Variants in GOLGA2 observed in about 807,000 individuals in gnomAD.
GOLGA2 encodes the protein golgin A2.
Under a neutral mutation model 148.8 loss-of-function variants are expected in GOLGA2, and 49 were observed. The observed-to-expected ratio is 0.33, with a 90% CI of 0.26 to 0.42. GOLGA2 has a LOEUF of 0.42. GOLGA2 is among the 10% of genes least tolerant of loss of function. GOLGA2 has a pLI of 1.00. For synonymous variants in GOLGA2, 501 were observed against 511.8 expected (o/e 0.98, Z 0.28); for missense variants, 1,178 against 1,304.6 (o/e 0.90, Z 1.49).
chr9:128,275,038 T>C lies in GOLGA2; in HGVS notation c.84+855A>G, dbSNP rs1234332716. 2.0e-5 allele frequency among the ~76,000 whole-genome samples: 3 copies of C among 152,140 alleles called. No individual in the cohort carries two copies. In the East Asian group the frequency reaches 5.8e-4, roughly 29 times the overall value. ...GAAGTCAGAAAAAAATGTTAAAGTC[T>C]CTCTGGAGAGTAGAAGCCTGGGGGA... On this transcript the variant is annotated intron_variant, in intron 1 of 26. Coordinates refer to ENST00000611957, the MANE Select transcript of GOLGA2 (RefSeq NM_001366244.2).
At chr9:128,269,770 C>T (rs1436460544) in intron 3 of GOLGA2, among the ~76,000 whole-genome samples, 2 of 152,214 alleles carry the variant, frequency 1.3e-5, no homozygotes, top group Admixed American at 1.3e-4. Flanking sequence ...GAAGTGACTA[C>T]ACCTCTCTCC....
At position 128,259,540 on chromosome 9, in the gene GOLGA2, G is replaced by A. The variant is rs1015353496; in HGVS notation, c.1873-149C>T. 26 of 604,960 alleles carry A rather than the reference G, an allele frequency of 4.3e-5. No homozygotes were observed. In the East Asian group the frequency reaches 5.1e-4, roughly 12 times the overall value. 37.5% of individuals were successfully genotyped at this position (604,960 alleles called of 1,614,324 possible). On this transcript the variant is annotated intron_variant, in intron 19 of 26. Transcript: ENST00000611957. ...GACTGCCTCCCTTGTCTAGAGCCTC[G>A]TGCCTCCTTCCCCAGCCTCAAATTT...
At chr9:128,265,494 G>A in intron 12 of GOLGA2, 91 bp downstream of exon 12, 1 of 975,896 alleles carries the variant, frequency 1.0e-6, no homozygotes, top group Non-Finnish European at 1.7e-6. Flanking sequence ...CTTCTAGGCA[G>A]GACAGTCAAC....
At chr9:128,267,408 T>C in intron 7 of GOLGA2, 50 bp downstream of exon 7, 3 of 1,534,484 alleles carry the variant, frequency 2.0e-6, no homozygotes, top group Non-Finnish European at 2.7e-6. Flanking sequence ...TGGGAGGAGG[T>C]TGGAGGGCTG....
Position 128,259,350 on chromosome 9 carries a change from C to T in GOLGA2, c.1914G>A (p.Gln638=). 1.2e-6 allele frequency: 2 copies of T among 1,604,492 alleles called. No homozygotes were observed. Among genetic ancestry groups the T allele is most frequent in the Non-Finnish European group, 1.7e-6 (2 of 1,175,856 alleles). The change falls in exon 20 of 27, where the codon CAG becomes CAA. Residue 638 remains glutamine (Q), a synonymous_variant. Coordinates refer to ENST00000611957, the MANE Select transcript of GOLGA2 (RefSeq NM_001366244.2). The stretch of plus-strand genomic sequence containing the variant: ...GCAGGTGTCCCAGGTACTGGTCTCG[C>T]TGCTGCTGCAGACTTTGAGCCTCTT... ...KSQEAQSLQQ[Q]RDQYLGHLQQ...
intron 2 of GOLGA2, chr9:128,273,597 AAC>A (rs1831094515): frequency 1.9e-6 from 1 of 538,156 alleles, no homozygotes; most frequent in Non-Finnish European, 3.2e-6. Flanking sequence ...ACTAGGGATT[AAC>A]ATAAAAACAA....
intron 12 of GOLGA2, among the ~76,000 whole-genome samples, chr9:128,263,487 G>A (rs1358664684): frequency 3.3e-5 from 5 of 151,940 alleles, no homozygotes; most frequent in South Asian, 4.1e-4. Context: ...GCGCAATTTC[G>A]GCTCACTGCA....
chr9:128,259,968 G>A, intron 19 of GOLGA2, 108 bp downstream of exon 19: 1 of 775,780 alleles, frequency 1.3e-6, no homozygotes. Flanking sequence ...GCCCTGGAGG[G>A]TGCTGGGGTC....
intron 12 of GOLGA2, among the ~76,000 whole-genome samples, chr9:128,263,530 G>C (rs1830403177): frequency 1.3e-5 from 2 of 152,126 alleles, no homozygotes; most frequent in African/African-American, 4.8e-5. Context: ...CCATTCTCCT[G>C]CTTCAGCCTC....
intron 4 of GOLGA2, 114 bp downstream of exon 4, chr9:128,268,306 G>C (rs184479424): frequency 9.6e-7 from 1 of 1,037,416 alleles, no homozygotes; most frequent in Non-Finnish European, 1.5e-6. Context: ...GCCTTCCCCC[G>C]GCCCGGTCCC....
At position 128,260,475 on chromosome 9, in the gene GOLGA2, A is replaced by G; in HGVS notation, c.1748T>C (p.Phe583Ser). Residue 583 changes from phenylalanine to serine, a missense_variant, in exon 18 of 27, where the codon TTT becomes TCT. By Grantham distance (155) the Phe-to-Ser change is radical. Around this residue, in one of 5 missense-constraint regions of GOLGA2, gnomAD observed 529 missense variants for 521.8 expected, o/e 1.01. Transcript: ENST00000611957. This position sits in a 1 kb window ranked among gnomAD's most constrained non-coding sequence, Gnocchi z 4.8. ...KEQLAELQSG[F>S]VKLTNENMEI... The stretch of plus-strand genomic sequence containing the variant: ...GGTGGGGCAGCGCACCAGCTTTACA[A>G]ATCCGCTCTGCAGCTCAGCCAGCTG... 6.2e-7 allele frequency: 1 copy of G among 1,609,844 alleles called. No individual in the cohort carries two copies. The highest frequency in any genetic ancestry group is 8.5e-7 in the Non-Finnish European group (1 of 1,177,230).
In GOLGA2 at chr9:128,265,901, C is replaced by T; in HGVS notation, c.733-20G>A. The T allele has an allele frequency of 1.2e-6, 2 of 1,607,628 alleles. No individual in the cohort carries two copies. The highest frequency in any genetic ancestry group is 1.7e-6 in the Non-Finnish European group (2 of 1,174,134). On this transcript the variant is annotated intron_variant, in intron 10 of 26. Transcript: ENST00000611957. ...GTGAACCTTTGGGAGGAAACCCAAGCAAGTGCTGAAAAAGAAGGAAAGAAA... is the reference window on the plus strand; with the variant it reads ...GTGAACCTTTGGGAGGAAACCCAAGTAAGTGCTGAAAAAGAAGGAAAGAAA...
Position 128,261,595 on chromosome 9 carries a change from G to A in GOLGA2, c.1225-34C>T, listed in dbSNP as rs1588481367. On this transcript the variant is annotated intron_variant, in intron 15 of 26. Transcript: ENST00000611957. The surrounding 1 kb of genome is among the most constrained non-coding windows in gnomAD (Gnocchi z 5.7). ...ATGGCCACAGAAATGAGGAAGGACT[G>A]TCACTGGTTGTCACCTACTCCTGGC... The A allele has an allele frequency of 6.6e-7, 1 of 1,506,838 alleles. No individual in the cohort carries two copies. Among genetic ancestry groups the A allele is most frequent in the South Asian group, 1.1e-5 (1 of 89,078 alleles). 93.3% of individuals were successfully genotyped at this position (1,506,838 alleles called of 1,614,324 possible). A position where few individuals can be genotyped will look rare whatever the true frequency, so the allele number is the denominator to read the frequency against.
rs1008724631 is a variant in GOLGA2 at position 128,259,432 on chromosome 9, C to T, written c.1873-41G>A. The T allele has an allele frequency of 1.6e-5, 21 of 1,310,972 alleles. No individual in the cohort carries two copies. In the African/African-American group the frequency reaches 2.8e-4, roughly 17 times the overall value. 81.2% of individuals were successfully genotyped at this position (1,310,972 alleles called of 1,614,324 possible). ...GGGCGTGAGGGCAGGTGGTGGCCTG[C>T]TTCCAGATTCAGGGCCCATAAATAG... On this transcript the variant is annotated intron_variant, in intron 19 of 26. Transcript: ENST00000611957.
intron 1 of GOLGA2, among the ~76,000 whole-genome samples, chr9:128,275,080 G>A (rs994013207): frequency 3.3e-5 from 5 of 152,144 alleles, no homozygotes; most frequent in Admixed American, 1.3e-4. Context: ...AACCAATCCC[G>A]TTCTCACATT....
In GOLGA2 at chr9:128,266,058, G is replaced by A; in HGVS notation, c.682-38C>T. On this transcript the variant is annotated intron_variant, in intron 9 of 26. Coordinates refer to ENST00000611957, the MANE Select transcript of GOLGA2 (RefSeq NM_001366244.2). The surrounding 1 kb of genome is among the most constrained non-coding windows in gnomAD (Gnocchi z 4.2). The stretch of plus-strand genomic sequence containing the variant: ...GAAGACAGAGCTCTTACGAGGGGGA[G>A]GCAGAGACGGCACAGCAAGGGACAT... 1 of 1,549,474 alleles carries A rather than the reference G, an allele frequency of 6.5e-7. No individual in the cohort carries two copies. Among genetic ancestry groups the A allele is most frequent in the South Asian group, 1.1e-5 (1 of 89,736 alleles).
intron 13 of GOLGA2, 96 bp from the exon 14 acceptor site, chr9:128,262,800 G>A: frequency 8.3e-7 from 1 of 1,210,744 alleles, no homozygotes; most frequent in Non-Finnish European, 1.2e-6. Context: ...CCACAGAACT[G>A]TGGCACTGGA....
chr9:128,263,061 G>A lies in GOLGA2; in HGVS notation c.965C>T (p.Ala322Val), dbSNP rs778983472. The A allele has an allele frequency of 4.3e-6, 7 of 1,610,936 alleles. No individual in the cohort carries two copies. The highest frequency in any genetic ancestry group is 4.0e-5 in the African/African-American group (3 of 74,838). ...GTTCTTGTATAACTCCAGCCTGAGG[G>A]CGTCTCTCTCTTTGGTTAACTCCTT... The part of the protein sequence containing the change: ...YNKELTKERD[A>V]LRLELYKNTQ... Residue 322 changes from alanine to valine, a missense_variant, in exon 13 of 27, where the codon GCC (alanine) becomes GTC (valine). By Grantham distance (64) the Ala-to-Val change is moderately conservative (BLOSUM62 0). This residue lies in a region of GOLGA2 where 304 missense variants were observed against 404.1 expected (regional missense o/e 0.75). Transcript: ENST00000611957.
Position 128,258,271 on chromosome 9 carries a change from CT to C in GOLGA2, c.2290-74del. On this transcript the variant is annotated intron_variant, in intron 22 of 26. Transcript: ENST00000611957. The surrounding 1 kb of genome is among the most constrained non-coding windows in gnomAD (Gnocchi z 6.6). The stretch of plus-strand genomic sequence containing the variant: ...CAGGGCAGGGAGGTAGAGAGCAGCC[CT>C]TCCCTTGGGGCCTCAGAGGGTGCAC... 7.8e-7 allele frequency: 1 copy of C among 1,288,282 alleles called. No individual in the cohort carries two copies. 79.8% of individuals were successfully genotyped at this position (1,288,282 alleles called of 1,614,324 possible). A position where few individuals can be genotyped will look rare whatever the true frequency, so the allele number is the denominator to read the frequency against.
Sources: allele counts gnomAD v4.1 joint callset (sites outside exome capture counted in the v4.1 genomes callset), GRCh38; gene constraint gnomAD v4.1.1; regional missense constraint gnomAD v4.1.1; non-coding constraint Gnocchi (gnomAD v3.1); transcripts MANE v1.5; gene names NCBI Gene and HGNC (gene_info 2026-07-23, HGNC 2026-07-21).